Variants in UBE2R2 observed in about 807,000 individuals in gnomAD.
UBE2R2 encodes ubiquitin-conjugating enzyme E2 R2.
A neutral mutation model predicts 27.8 loss-of-function variants in UBE2R2; 1 was observed. The observed-to-expected ratio is 0.04, with a 90% CI of 0.01 to 0.17. The LOEUF (loss-of-function observed/expected upper bound fraction) is 0.17. Ranked by LOEUF, UBE2R2 falls within the 10% of genes least tolerant of loss-of-function variation. UBE2R2 has a pLI of 1.00. For missense variants in UBE2R2, 100 were observed against 291.0 expected, an observed-to-expected ratio of 0.34 and a Z score of 4.78; for synonymous variants, 106 against 113.3, an observed-to-expected ratio of 0.94 and a Z score of 0.41.
intron 2 of UBE2R2, among the ~76,000 whole-genome samples, chr9:33,897,137 C>T (rs562962600): frequency 4.2e-4 from 59 of 141,662 alleles, no homozygotes; most frequent in Middle Eastern, 3.7e-3. Context: ...CCTGGGTTCA[C>T]GCCATTCTCT....
intron 1 of UBE2R2, among the ~76,000 whole-genome samples, chr9:33,869,263 AAAAC>A (rs939313672): frequency 2.6e-5 from 4 of 152,086 alleles, no homozygotes; most frequent in Admixed American, 2.6e-4. Context: ...ACCCTGTCTC[AAAAC>A]AAACAAAAAC....
chr9:33,836,775 A>G (rs990658320), intron 1 of UBE2R2, among the ~76,000 whole-genome samples: 1 of 151,422 alleles, frequency 6.6e-6, no homozygotes. Flanking sequence ...AAAAATATAT[A>G]TATATATATT....
At chr9:33,882,873 G>A (rs985747487) in intron 1 of UBE2R2, among the ~76,000 whole-genome samples, 3 of 152,174 alleles carry the variant, frequency 2.0e-5, no homozygotes, top group Non-Finnish European at 4.4e-5. Context: ...CGGATCACCT[G>A]AGGTCAAGCG....
At chr9:33,875,912 C>G (rs1400908271) in intron 1 of UBE2R2, among the ~76,000 whole-genome samples, 2 of 152,036 alleles carry the variant, frequency 1.3e-5, no homozygotes, top group African/African-American at 2.4e-5. Flanking sequence ...ATCTTATATT[C>G]ATATGTTAAT....
intron 4 of UBE2R2, among the ~76,000 whole-genome samples, chr9:33,914,038 G>C (rs1288592176): frequency 1.3e-5 from 2 of 152,270 alleles, no homozygotes; most frequent in East Asian, 3.9e-4. Flanking sequence ...TTCTTAATTT[G>C]TTTAAGGGTC....
In UBE2R2 at chr9:33,912,003, C is replaced by G. The variant is rs755352660; in HGVS notation, c.402C>G (p.Pro134=). 1.9e-6 allele frequency: 3 copies of G among 1,613,846 alleles called. No individual in the cohort carries two copies. The highest frequency in any genetic ancestry group is 4.5e-5 in the East Asian group (2 of 44,848). Reference sequence around the variant, plus strand: ...GTGTAATCTCACTGCTTAATGAGCCCAACACCTTCTCCCCAGCCAATGTCG... The same window carrying G: ...GTGTAATCTCACTGCTTAATGAGCCGAACACCTTCTCCCCAGCCAATGTCG... ...LLSVISLLNE[P]NTFSPANVDA... is the part of the protein sequence containing the mutation. The change falls in exon 4 of 5, where the codon CCC becomes CCG. Residue 134 remains proline (P), a synonymous_variant. Coordinates refer to ENST00000263228, the MANE Select transcript of UBE2R2 (RefSeq NM_017811.4).
intron 2 of UBE2R2, 56 bp from the exon 3 acceptor site, chr9:33,900,118 C>T (rs914247389): frequency 7.1e-7 from 1 of 1,402,338 alleles, no homozygotes; most frequent in African/African-American, 1.4e-5. Flanking sequence ...AACCGATGTC[C>T]CTTTTTGTAC....
rs1820184722 is a variant in UBE2R2, at chr9:33,822,883, TTTTC to T, written c.177+4953_177+4956del. On this transcript the variant is annotated intron_variant, in intron 1 of 4. Coordinates refer to ENST00000263228, the MANE Select transcript of UBE2R2 (RefSeq NM_017811.4). Reference sequence around the variant, plus strand: ...GTCATTTAGATATTTTATTTCTTTTTTTTCTTTTTCTTCTTCTTATTAATTTTTT... The same window carrying T: ...GTCATTTAGATATTTTATTTCTTTTTTTTTTCTTCTTCTTATTAATTTTTT... 2.0e-5 allele frequency among the ~76,000 whole-genome samples: 3 copies of T among 150,980 alleles called. No individual in the cohort carries two copies. In the South Asian group the frequency reaches 6.2e-4, roughly 31 times the overall value.
chr9:33,894,613 G>T (rs897968272), intron 2 of UBE2R2, among the ~76,000 whole-genome samples: 2 of 151,972 alleles, frequency 1.3e-5, no homozygotes, highest in African/African-American at 4.8e-5. Context: ...AAATTTTGGG[G>T]GGGGCCACAT....
chr9:33,824,041 G>T (rs1269772045), intron 1 of UBE2R2, among the ~76,000 whole-genome samples: 3 of 152,152 alleles, frequency 2.0e-5, no homozygotes, highest in African/African-American at 4.8e-5. Context: ...AGGTCTAAGG[G>T]TTTTGGAAAC....
intron 1 of UBE2R2, among the ~76,000 whole-genome samples, chr9:33,820,748 A>G (rs1053277405): frequency 1.3e-5 from 2 of 152,226 alleles, no homozygotes; most frequent in African/African-American, 4.8e-5. Flanking sequence ...ACTGCCAGTC[A>G]TTCTTTACAT....
intron 1 of UBE2R2, among the ~76,000 whole-genome samples, chr9:33,871,791 A>G (rs1821490656): frequency 6.6e-6 from 1 of 151,958 alleles, no homozygotes; most frequent in South Asian, 2.1e-4. Flanking sequence ...GCTCACCGCA[A>G]CCTCCACCTC....
intron 1 of UBE2R2, among the ~76,000 whole-genome samples, chr9:33,858,738 A>G (rs951974977): frequency 6.6e-6 from 1 of 152,168 alleles, no homozygotes; most frequent in African/African-American, 2.4e-5. Context: ...AGTCAGTGCT[A>G]AATCATTGCA....
intron 1 of UBE2R2, among the ~76,000 whole-genome samples, chr9:33,841,896 C>T (rs1319307853): frequency 6.6e-6 from 1 of 152,182 alleles, no homozygotes; most frequent in South Asian, 2.1e-4. Flanking sequence ...TAAATTGTTT[C>T]ATGTATGCTG....
In UBE2R2 at chr9:33,817,695, G is replaced by C; in HGVS notation, c.-63G>C. 7.5e-7 allele frequency: 1 copy of C among 1,328,728 alleles called. No individual in the cohort carries two copies. The highest frequency in any genetic ancestry group is 9.6e-7 in the Non-Finnish European group (1 of 1,040,788). 82.3% of individuals were successfully genotyped at this position (1,328,728 alleles called of 1,614,324 possible). On this transcript the variant is annotated 5_prime_UTR_variant, in exon 1 of 5. Transcript: ENST00000263228. ...CGAGCGGAGGGGAGGGGCCTGGTCCGGCCCGGCCGGTGCGTGAGGACTGGG... is the reference window on the plus strand; with the variant it reads ...CGAGCGGAGGGGAGGGGCCTGGTCCCGCCCGGCCGGTGCGTGAGGACTGGG...
intron 1 of UBE2R2, among the ~76,000 whole-genome samples, chr9:33,844,284 AACC>A: frequency 6.6e-6 from 1 of 152,182 alleles, no homozygotes; most frequent in East Asian, 1.9e-4. Context: ...CGCTGACTGC[AACC>A]TTCGCCTCCC....
intron 3 of UBE2R2, among the ~76,000 whole-genome samples, chr9:33,906,621 CTGTT>C (rs1274094464): frequency 6.6e-6 from 1 of 152,108 alleles, no homozygotes; most frequent in Non-Finnish European, 1.5e-5. Flanking sequence ...TATCACAACC[CTGTT>C]AAAGTTATGC....
chr9:33,896,663 T>A (rs1184322461), intron 2 of UBE2R2, among the ~76,000 whole-genome samples: 1 of 151,686 alleles, frequency 6.6e-6, no homozygotes, highest in East Asian at 1.9e-4. Context: ...TTAGCCAGGA[T>A]GGTCTTGATC....
chr9:33,914,908 G>A (rs1032776515), intron 4 of UBE2R2, among the ~76,000 whole-genome samples: 2 of 151,940 alleles, frequency 1.3e-5, no homozygotes, highest in Non-Finnish European at 2.9e-5. Context: ...AGGCCGAGGC[G>A]GGCAGATTGC....
Sources: allele counts gnomAD v4.1 joint callset (sites outside exome capture counted in the v4.1 genomes callset), GRCh38; gene constraint gnomAD v4.1.1; transcripts MANE v1.5; gene names NCBI Gene and HGNC (gene_info 2026-07-23, HGNC 2026-07-21).